The following CEP135 variants were observed in gnomAD, a reference collection of about 807,000 sequenced individuals.
The protein encoded by CEP135 is centrosomal protein of 135 kDa.
In CEP135, 142 loss-of-function variants were observed where a neutral mutation model predicts 157.3. That is an observed-to-expected ratio of 0.90 (90% CI 0.79 to 1.04). The LOEUF is 1.04. CEP135 is among the 50% of genes least tolerant of loss of function. The pLI is 0.00. For missense variants in CEP135, 1,317 were observed against 1,309.2 expected (o/e 1.01, Z -0.09); for synonymous variants, 396 against 439.8 (o/e 0.90, Z 1.25).
At chr4:55,959,605 A>T (rs140961633) in intron 5 of CEP135, 77 bp from the exon 6 acceptor site, 6 of 1,232,592 alleles carry the variant, frequency 4.9e-6, no homozygotes, top group Non-Finnish European at 7.1e-6. Context: ...AATTTATGAA[A>T]TAACACATCT....
At chr4:55,965,936 A>G (rs1728829946) in intron 8 of CEP135, 77 bp downstream of exon 8, 3 of 1,221,888 alleles carry the variant, frequency 2.5e-6, no homozygotes, top group Non-Finnish European at 3.5e-6. Context: ...CCCTTTTGAT[A>G]TCTGCATTCA....
At chr4:55,953,504 A>AAAAAG (rs989033661) in intron 3 of CEP135, among the ~76,000 whole-genome samples, 2 of 152,138 alleles carry the variant, frequency 1.3e-5, no homozygotes, top group Admixed American at 1.3e-4. Context: ...TGTTTCAAAA[A>AAAAAG]AAAAGAAAAG....
chr4:56,024,515 A>G lies in CEP135; in HGVS notation c.3335A>G (p.Gln1112Arg). Residue 1112 changes from glutamine to arginine, a missense_variant, in exon 25 of 26, where the codon CAA becomes CGA. Transcript: ENST00000257287. ...TERYERERAI[Q>R]EMRRHGLATP... is the part of the protein sequence containing the mutation. The stretch of plus-strand genomic sequence containing the variant: ...TTTACTAACAGAGAACGAGCAATCC[A>G]AGAGATGCGTCGACATGGTCTTGCT... 1 of 1,613,754 alleles carries G rather than the reference A, an allele frequency of 6.2e-7. No individual in the cohort carries two copies. Among genetic ancestry groups the G allele is most frequent in the Non-Finnish European group, 8.5e-7 (1 of 1,179,750 alleles).
intron 14 of CEP135, 87 bp downstream of exon 14, chr4:55,985,445 A>C (rs527958358): frequency 9.6e-5 from 48 of 500,760 alleles, no homozygotes; most frequent in Non-Finnish European, 1.5e-4. Flanking sequence ...TTTTAATTTT[A>C]ATTTTATTTT....
chr4:56,011,321 T>A, intron 19 of CEP135, 91 bp from the exon 20 acceptor site: 2 of 867,968 alleles, frequency 2.3e-6, no homozygotes, highest in Admixed American at 5.5e-5. Context: ...CTCTATCTTA[T>A]TCTCCAATTC....
At chr4:55,991,281 T>TA (rs1190321977) in intron 14 of CEP135, among the ~76,000 whole-genome samples, 1 of 151,954 alleles carries the variant, frequency 6.6e-6, no homozygotes, top group Non-Finnish European at 1.5e-5. Context: ...AAAGCAAGTA[T>TA]ACTTGTATTT....
intron 21 of CEP135, among the ~76,000 whole-genome samples, chr4:56,015,157 T>C (rs553732857): frequency 6.6e-6 from 1 of 152,206 alleles, no homozygotes; most frequent in Non-Finnish European, 1.5e-5. Flanking sequence ...AGATTAGATA[T>C]GTGACTCATG....
intron 2 of CEP135, chr4:55,952,545 TC>T (rs374694592): frequency 1.5e-3 from 329 of 214,894 alleles, no homozygotes; most frequent in African/African-American, 7.2e-3. Flanking sequence ...TCTTTTTTTT[TC>T]CCCCCCTTAA....
intron 24 of CEP135, among the ~76,000 whole-genome samples, chr4:56,021,065 A>G (rs1213156429): frequency 6.6e-6 from 1 of 152,220 alleles, no homozygotes; most frequent in Non-Finnish European, 1.5e-5. Context: ...GAAGTATTGG[A>G]TAAATATTTC....
intron 17 of CEP135, 110 bp downstream of exon 17, chr4:55,999,755 T>TGA: frequency 1.3e-5 from 14 of 1,085,966 alleles, no homozygotes; most frequent in South Asian, 3.2e-5. Flanking sequence ...TGCAGTGGCA[T>TGA]GATCACAGCT....
rs771870536 is a variant in CEP135 at position 56,011,924 on chromosome 4, T to C, written c.2741T>C (p.Ile914Thr). ...TCAGTTCGACTGGAACTTCTTTCTA[T>C]TGACACTGAGAGGAGACATCTTCGA... ...SSSVRLELLS[I>T]DTERRHLRER... The change falls in exon 21 of 26, where the codon ATT becomes ACT. Residue 914 changes from isoleucine to threonine, a missense_variant. Transcript: ENST00000257287. 6.2e-6 allele frequency: 10 copies of C among 1,600,956 alleles called. No homozygotes were observed. Among genetic ancestry groups the C allele is most frequent in the Non-Finnish European group, 8.5e-6 (10 of 1,173,958 alleles).
chr4:55,980,395 G>A (rs1324215930), intron 12 of CEP135, 100 bp downstream of exon 12: 14 of 658,966 alleles, frequency 2.1e-5, no homozygotes, highest in Non-Finnish European at 3.1e-5. Flanking sequence ...ATATGGACCT[G>A]TGATATTTCT....
chr4:56,002,494 A>G (rs747241226), intron 17 of CEP135, among the ~76,000 whole-genome samples: 2 of 152,086 alleles, frequency 1.3e-5, no homozygotes, highest in Admixed American at 6.5e-5. Context: ...AATGATTTAT[A>G]TGGTTTCTCT....
intron 10 of CEP135, among the ~76,000 whole-genome samples, chr4:55,973,710 T>C (rs1729099901): frequency 6.6e-6 from 1 of 152,082 alleles, no homozygotes; most frequent in African/African-American, 2.4e-5. Context: ...ATGCAGCCAC[T>C]CGTTTCTTCT....
At chr4:55,965,133 A>T (rs1452003749) in intron 7 of CEP135, 1 of 152,424 alleles carries the variant, frequency 6.6e-6, no homozygotes, top group East Asian at 1.9e-4. Context: ...AAAAAAATAA[A>T]AAGAGGTGAA....
intron 8 of CEP135, among the ~76,000 whole-genome samples, chr4:55,968,642 T>C (rs1420142730): frequency 2.6e-5 from 4 of 152,140 alleles, no homozygotes; most frequent in African/African-American, 9.7e-5. Context: ...ACAAGTTGGC[T>C]CAACAAAATG....
chr4:55,985,399 G>A, intron 14 of CEP135, 41 bp downstream of exon 14: 1 of 920,884 alleles, frequency 1.1e-6, no homozygotes, highest in Non-Finnish European at 1.7e-6. Context: ...TGTGTTATAT[G>A]AATAACTATG....
intron 6 of CEP135, chr4:55,960,901 G>T (rs1728657757): frequency 6.8e-6 from 1 of 146,488 alleles, no homozygotes; most frequent in Non-Finnish European, 1.5e-5. Context: ...ACTCCAGCCT[G>T]GGCGACAGAG....
intron 17 of CEP135, among the ~76,000 whole-genome samples, chr4:56,003,026 C>T (rs1397808140): frequency 1.3e-5 from 2 of 152,062 alleles, no homozygotes; most frequent in African/African-American, 4.8e-5. Flanking sequence ...TTGTAATTGT[C>T]TTTCATGATT....
Sources: allele counts gnomAD v4.1 joint callset (sites outside exome capture counted in the v4.1 genomes callset), GRCh38; gene constraint gnomAD v4.1.1; transcripts MANE v1.5; gene names NCBI Gene and HGNC (gene_info 2026-07-23, HGNC 2026-07-21).